LYST: variants seen among roughly 807,000 people sequenced by gnomAD.
LYST encodes the protein lysosomal-trafficking regulator.
Under a neutral mutation model 413.6 loss-of-function variants are expected in LYST, and 192 were observed. The observed-to-expected ratio is 0.46, with a 90% confidence interval of 0.41 to 0.52. The LOEUF is 0.52. LYST is among the 20% of genes least tolerant of loss of function. The pLI is 0.00. For synonymous variants in LYST, 1,525 were observed against 1,567.3 expected (o/e 0.97, Z 0.64); for missense variants, 3,815 against 4,499.9 (o/e 0.85, Z 4.35).
chr1:235,668,251 A>T (rs144296940), intron 50 of LYST, among the ~76,000 whole-genome samples: 79 of 152,274 alleles, frequency 5.2e-4, no homozygotes, highest in African/African-American at 1.8e-3. Flanking sequence ...GATATCCAAT[A>T]AATAGTCAAA....
chr1:235,666,225 TACACACACACACACACACACACACAC>T (rs66890524), intron 50 of LYST, among the ~76,000 whole-genome samples: 1 of 135,898 alleles, frequency 7.4e-6, no homozygotes, highest in East Asian at 2.3e-4. Context: ...AGTATGTACA[TACACACACACACACACACACACACAC>T]ACACACACAC....
chr1:235,709,230 C>T lies in LYST; in HGVS notation c.10004G>A (p.Arg3335His), dbSNP rs528102141. Residue 3335 changes from arginine (R) to histidine (H), a missense_variant, in exon 44 of 53, where the codon CGT becomes CAT. Physicochemically the swap from Arg to His is conservative, Grantham distance 29 (BLOSUM62 0). Transcript: ENST00000389793. ...NLPPWARNDP[R>H]LFILIHRQAL... ...CTGCCGATGGATGAGGATAAAAAGA[C>T]GAGGATCATTACGCGCCCAAGGGGG... 3.1e-6 allele frequency: 5 copies of T among 1,614,044 alleles called. No homozygotes were observed. Among genetic ancestry groups the T allele is most frequent in the Admixed American group, 1.7e-5 (1 of 59,998 alleles).
chr1:235,666,621 C>T (rs1353494302), intron 50 of LYST, among the ~76,000 whole-genome samples: 1 of 151,542 alleles, frequency 6.6e-6, no homozygotes, highest in Non-Finnish European at 1.5e-5. Flanking sequence ...CACACACACA[C>T]ACACACACAC....
intron 25 of LYST, among the ~76,000 whole-genome samples, chr1:235,753,681 G>C (rs1057403549): frequency 6.6e-6 from 1 of 152,114 alleles, no homozygotes; most frequent in African/African-American, 2.4e-5. Flanking sequence ...AATGATTCTC[G>C]AGTTCTTATC....
chr1:235,727,968 AC>A, intron 38 of LYST, 107 bp downstream of exon 38: 1 of 842,598 alleles, frequency 1.2e-6, no homozygotes, highest in Non-Finnish European at 2.1e-6. Context: ...ACATAGAGTG[AC>A]AAAGAATGAA....
intron 45 of LYST, among the ~76,000 whole-genome samples, chr1:235,701,303 G>T (rs2103097386): frequency 6.6e-6 from 1 of 152,278 alleles, no homozygotes; most frequent in South Asian, 2.1e-4. Context: ...TTAATTTTCA[G>T]GGATGTATTG....
chr1:235,723,632 C>G (rs1663590381), intron 39 of LYST, among the ~76,000 whole-genome samples: 1 of 152,052 alleles, frequency 6.6e-6, no homozygotes, highest in South Asian at 2.1e-4. Flanking sequence ...TACCGATGAC[C>G]CTGACGAGAG....
rs550848012 is a variant in LYST at position 235,802,809 on chromosome 1, A to C, written c.3712+99T>G. On this transcript the variant is annotated intron_variant, in intron 8 of 52. Coordinates refer to ENST00000389793, the MANE Select transcript of LYST (RefSeq NM_000081.4). The stretch of plus-strand genomic sequence containing the variant: ...TATGCAACACACTTGTTAAACTGTA[A>C]GGCAATACAAAATTCTAAAGTGGTA... 2.5e-4 allele frequency: 267 copies of C among 1,080,402 alleles called. 1 individual carries two copies. The South Asian group carries it at 2.5e-3, about 10-fold the overall frequency. 66.9% of individuals were successfully genotyped at this position (1,080,402 alleles called of 1,614,324 possible).
At position 235,730,615 on chromosome 1, in the gene LYST, A is replaced by G. The variant is rs2208383; in HGVS notation, c.9044+232T>C. On this transcript the variant is annotated intron_variant, in intron 36 of 52. Transcript: ENST00000389793. ...TGTGTGTGTGTGTGTGTGTGTGTGT[A>G]TATGTAAACTAACAAGGGCCAGAAC... Among the ~76,000 whole-genome samples the G allele has an allele frequency of 0.012, 806 of 68,770 alleles. 11 individuals are homozygous for G. The highest frequency in any genetic ancestry group is 0.02 in the African/African-American group (432 of 21,598). The allele number at this position is 68,770 out of a possible 152,430, so 45.1% of individuals were successfully genotyped here. A position where few individuals can be genotyped will look rare whatever the true frequency, so the allele number is the denominator to read the frequency against.
chr1:235,836,689 T>C (rs1045443371), intron 1 of LYST, among the ~76,000 whole-genome samples: 1 of 152,200 alleles, frequency 6.6e-6, no homozygotes. Flanking sequence ...AGTGTTCCCC[T>C]GAAACCATTT....
At chr1:235,834,448 G>C (rs1046811964) in intron 1 of LYST, among the ~76,000 whole-genome samples, 12 of 152,098 alleles carry the variant, frequency 7.9e-5, no homozygotes, top group African/African-American at 2.9e-4. Flanking sequence ...GTGTTGCCCA[G>C]GCTAGTCTTG....
Position 235,788,783 on chromosome 1 carries a change from A to G in LYST, c.4606T>C (p.Cys1536Arg). ...GATCCCAGTGAAATTATATGAATAC[A>G]TCCTTCTTCTATGAGTCTTTCACCA... ...NPGERLIEEG[C>R]IHIISLGSKA... is the part of the protein sequence containing the mutation. The change falls in exon 13 of 53, where the codon TGT (cysteine) becomes CGT (arginine). Residue 1536 changes from cysteine (C) to arginine (R), a missense_variant. Physicochemically the swap from Cys to Arg is radical, Grantham distance 180. This residue lies in a region of LYST where 1,648 missense variants were observed against 1,810.3 expected (regional missense o/e 0.91). Coordinates refer to ENST00000389793, the MANE Select transcript of LYST (RefSeq NM_000081.4). The G allele has an allele frequency of 6.2e-7, 1 of 1,613,514 alleles. No homozygotes were observed. Among genetic ancestry groups the G allele is most frequent in the Non-Finnish European group, 8.5e-7 (1 of 1,179,492 alleles).
chr1:235,806,419 A>T lies in LYST; in HGVS notation c.2717T>A (p.Phe906Tyr). Residue 906 changes from phenylalanine to tyrosine, a missense_variant, in exon 6 of 53, where the codon TTT becomes TAT. Phe to Tyr is a conservative substitution (Grantham distance 22). Around this residue, in one of 4 missense-constraint regions of LYST, gnomAD observed 1,648 missense variants for 1,810.3 expected, o/e 0.91. Transcript: ENST00000389793. ...NTINLFLCVA[F>Y]LCVSKEAESD... ...CTCTGCTTCTTTACTTACGCATAAAAAAGCCACACAGAGGAATAGGTTTAT... is the reference window on the plus strand; with the variant it reads ...CTCTGCTTCTTTACTTACGCATAAATAAGCCACACAGAGGAATAGGTTTAT... 1 of 1,614,090 alleles carries T rather than the reference A, an allele frequency of 6.2e-7. No homozygotes were observed. Among genetic ancestry groups the T allele is most frequent in the South Asian group, 1.1e-5 (1 of 91,080 alleles).
chr1:235,738,113 T>C (rs1482240773), intron 31 of LYST: 14 of 1,607,864 alleles, frequency 8.7e-6, no homozygotes, highest in Non-Finnish European at 1.0e-5. Context: ...GTGCCATCGG[T>C]ATCTTAATGA....
At chr1:235,875,841 C>A (rs2103236033) in intron 1 of LYST, among the ~76,000 whole-genome samples, 1 of 152,080 alleles carries the variant, frequency 6.6e-6, no homozygotes, top group South Asian at 2.1e-4. Context: ...TTCAAACAAA[C>A]AGACAAACAA....
At chr1:235,673,402 G>T (rs952698407) in intron 50 of LYST, among the ~76,000 whole-genome samples, 16 of 151,864 alleles carry the variant, frequency 1.1e-4, no homozygotes, top group African/African-American at 3.6e-4. Flanking sequence ...AGCCACTACC[G>T]CCCCCTTATC....
Position 235,715,303 on chromosome 1 carries a change from C to T in LYST, c.9682G>A (p.Val3228Met), listed in dbSNP as rs1157385097. Reference protein sequence around the residue: ...GAREDDPMPPVQPYHYGSHYS... With the variant: ...GAREDDPMPPMQPYHYGSHYS... ...TGGGAGCCATAGTGATAGGGCTGCA[C>T]GGGAGGCATGGGGTCATCTTCTCTG... Residue 3228 changes from valine (V) to methionine (M), a missense_variant, in exon 42 of 53, where the codon GTG becomes ATG. By Grantham distance (21) the Val-to-Met change is conservative. This residue lies in a region of LYST where 866 missense variants were observed against 1,156.0 expected (regional missense o/e 0.75). Coordinates refer to ENST00000389793, the MANE Select transcript of LYST (RefSeq NM_000081.4). The T allele has an allele frequency of 2.5e-6, 4 of 1,613,798 alleles. No individual in the cohort carries two copies. The highest frequency in any genetic ancestry group is 1.3e-5 in the African/African-American group (1 of 74,876).
intron 39 of LYST, among the ~76,000 whole-genome samples, chr1:235,721,253 A>T (rs1418466548): frequency 1.3e-5 from 2 of 152,242 alleles, no homozygotes; most frequent in African/African-American, 4.8e-5. Context: ...GGTGTAGTAG[A>T]AACAGCACGG....
At chr1:235,776,762 C>T (rs1338520353) in intron 17 of LYST, among the ~76,000 whole-genome samples, 1 of 150,990 alleles carries the variant, frequency 6.6e-6, no homozygotes, top group African/African-American at 2.4e-5. Context: ...GGAATAAAAA[C>T]TTCATAAATT....
Sources: allele counts gnomAD v4.1 joint callset (sites outside exome capture counted in the v4.1 genomes callset), GRCh38; gene constraint gnomAD v4.1.1; regional missense constraint gnomAD v4.1.1; transcripts MANE v1.5; gene names NCBI Gene and HGNC (gene_info 2026-07-23, HGNC 2026-07-21).